SPAG16: variants seen among roughly 807,000 people sequenced by gnomAD.
SPAG16 encodes the protein sperm associated antigen 16.
SPAG16 carries 86 observed loss-of-function variants against 80.4 expected under a neutral mutation model. The observed-to-expected ratio is 1.07, with a 90% CI of 0.90 to 1.28. SPAG16 has a LOEUF of 1.28. Among genes scored for constraint, SPAG16 ranks in the 50% most tolerant of loss-of-function variants. The pLI is 0.00. For synonymous variants in SPAG16, 294 were observed against 265.9 expected (o/e 1.11, Z -1.03); for missense variants, 870 against 765.3 (o/e 1.14, Z -1.61).
intron 10 of SPAG16, among the ~76,000 whole-genome samples, chr2:213,624,850 G>A (rs2061906856): frequency 6.6e-6 from 1 of 152,118 alleles, no homozygotes; most frequent in Non-Finnish European, 1.5e-5. Flanking sequence ...GAGTGCAATG[G>A]CGTGATCTCA....
At chr2:213,931,996 T>C (rs937985616) in intron 12 of SPAG16, among the ~76,000 whole-genome samples, 16 of 151,730 alleles carry the variant, frequency 1.1e-4, no homozygotes, top group African/African-American at 3.6e-4. Context: ...ATCAATACAA[T>C]ATAGATATGT....
chr2:214,199,862 G>A (rs2057958585), intron 15 of SPAG16, among the ~76,000 whole-genome samples: 1 of 152,034 alleles, frequency 6.6e-6, no homozygotes, highest in South Asian at 2.1e-4. Context: ...TTTTGCAGCT[G>A]TTGTAAAAGG....
At chr2:213,843,768 T>C (rs916412119) in intron 10 of SPAG16, among the ~76,000 whole-genome samples, 27 of 152,052 alleles carry the variant, frequency 1.8e-4, no homozygotes, top group Non-Finnish European at 3.7e-4. Flanking sequence ...GGAGAATCTC[T>C]AGAACCCAGG....
intron 15 of SPAG16, among the ~76,000 whole-genome samples, chr2:214,166,297 A>G (rs1187763636): frequency 2.0e-5 from 3 of 152,070 alleles, no homozygotes; most frequent in East Asian, 1.9e-4. Context: ...GCCTTCCTCT[A>G]TTCCCTGGGA....
intron 13 of SPAG16, among the ~76,000 whole-genome samples, chr2:214,066,860 CTTT>C (rs1313463160): frequency 6.6e-6 from 1 of 152,120 alleles, no homozygotes; most frequent in Non-Finnish European, 1.5e-5. Flanking sequence ...CAAAATTATT[CTTT>C]GATTTCAACT....
At chr2:213,380,553 AC>A (rs1249261468) in intron 9 of SPAG16, among the ~76,000 whole-genome samples, 1 of 152,172 alleles carries the variant, frequency 6.6e-6, no homozygotes, top group Non-Finnish European at 1.5e-5. Context: ...GCTATGCATG[AC>A]CCAGTTTATG....
intron 10 of SPAG16, among the ~76,000 whole-genome samples, chr2:213,675,350 A>C (rs918776494): frequency 8.6e-5 from 13 of 152,024 alleles, no homozygotes; most frequent in African/African-American, 2.9e-4. Context: ...GTTCACTCTG[A>C]TGGTAGTTTC....
intron 10 of SPAG16, among the ~76,000 whole-genome samples, chr2:213,708,807 G>A (rs2065863534): frequency 6.6e-6 from 1 of 152,072 alleles, no homozygotes; most frequent in Admixed American, 6.6e-5. Flanking sequence ...AAAAAGTACT[G>A]GGGTATCTAT....
At chr2:213,695,705 G>T (rs2065128154) in intron 10 of SPAG16, among the ~76,000 whole-genome samples, 1 of 152,188 alleles carries the variant, frequency 6.6e-6, no homozygotes, top group Admixed American at 6.5e-5. Flanking sequence ...AGACGTAGAG[G>T]AGAAGCATGT....
intron 9 of SPAG16, among the ~76,000 whole-genome samples, chr2:213,438,820 A>C (rs1436002932): frequency 6.6e-6 from 1 of 152,262 alleles, no homozygotes. Context: ...ATGCATTTTT[A>C]AAAAGAGAGT....
intron 14 of SPAG16, among the ~76,000 whole-genome samples, chr2:214,140,301 G>A (rs1035650786): frequency 1.3e-5 from 2 of 150,636 alleles, no homozygotes; most frequent in Non-Finnish European, 3.0e-5. Context: ...AACCTTTGGT[G>A]TAATTTTTAG....
At chr2:213,600,331 T>C (rs1456067437) in intron 10 of SPAG16, among the ~76,000 whole-genome samples, 1 of 152,176 alleles carries the variant, frequency 6.6e-6, no homozygotes, top group East Asian at 1.9e-4. Flanking sequence ...TTGAGGATTT[T>C]CCAAGTCTTC....
chr2:213,549,941 CT>C (rs1427615794), intron 10 of SPAG16, among the ~76,000 whole-genome samples: 6 of 151,850 alleles, frequency 4.0e-5, no homozygotes, highest in African/African-American at 1.5e-4. Context: ...ATTATTTTGT[CT>C]TATTTTTTGT....
rs3044944 is a variant in SPAG16, at chr2:214,227,702, ATGTGTGTGTGTGTG to A, written c.1720+78460_1720+78473del. On this transcript the variant is annotated intron_variant, in intron 15 of 15. Transcript: ENST00000331683. ...TAAATTTCTTTCTTGTGGAAGGTGT[ATGTGTGTGTGTGTG>A]TGTGTGTGTGTGTGTGTGTGTGTAA... Among the ~76,000 whole-genome samples the A allele has an allele frequency of 2.6e-4, 38 of 145,764 alleles. No individual in the cohort carries two copies. The East Asian group carries it at 2.9e-3, about 11-fold the overall frequency.
intron 9 of SPAG16, among the ~76,000 whole-genome samples, chr2:213,469,570 GTTTTT>G (rs34005287): frequency 4.8e-4 from 38 of 79,292 alleles, no homozygotes; most frequent in African/African-American, 1.3e-3. Flanking sequence ...ACCTCAGCAG[GTTTTT>G]TTTTTTTTTT....
intron 10 of SPAG16, among the ~76,000 whole-genome samples, chr2:213,574,423 A>T (rs2060042358): frequency 1.3e-5 from 2 of 152,104 alleles, no homozygotes; most frequent in Admixed American, 6.6e-5. Context: ...TTGTGGTAAG[A>T]AAATCTGTGG....
intron 3 of SPAG16, among the ~76,000 whole-genome samples, chr2:213,306,313 T>A (rs1376310527): frequency 4.0e-5 from 1 of 24,774 alleles, no homozygotes; most frequent in Non-Finnish European, 8.8e-5. Flanking sequence ...ATTGTATTGT[T>A]TTGTTCATTT....
In SPAG16 at chr2:213,976,819, T is replaced by TTTTGTTTG. The variant is rs376198526; in HGVS notation, c.1401-37112_1401-37105dup. Among the ~76,000 whole-genome samples the TTTTGTTTG allele has an allele frequency of 5.5e-3, 837 of 151,994 alleles. 7 individuals carry two copies. The highest frequency in any genetic ancestry group is 0.019 in the African/African-American group (804 of 41,438). On this transcript the variant is annotated intron_variant, in intron 12 of 15. Transcript: ENST00000331683. ...ACAACTTGAATGAGTTTGGAAGTGG[T>TTTTGTTTG]TTTGTTTGTTTGTTTGTTTGTTTGT...
chr2:214,119,924 T>C (rs987626100), intron 14 of SPAG16, among the ~76,000 whole-genome samples: 1 of 152,024 alleles, frequency 6.6e-6, no homozygotes, highest in African/African-American at 2.4e-5. Context: ...GTTGATCCTT[T>C]GTAGATAAGG....
Sources: allele counts gnomAD v4.1 joint callset (sites outside exome capture counted in the v4.1 genomes callset), GRCh38; gene constraint gnomAD v4.1.1; transcripts MANE v1.5; gene names NCBI Gene and HGNC (gene_info 2026-07-23, HGNC 2026-07-21).